The following COL12A1 variants were observed in gnomAD, a reference collection of about 807,000 sequenced individuals.
COL12A1 encodes the protein collagen alpha-1(XII) chain.
COL12A1 carries 114 observed loss-of-function variants against 349.7 expected under a neutral mutation model. The ratio of observed to expected loss-of-function variants is 0.33; its 90% CI spans 0.28 to 0.38. COL12A1 has a LOEUF of 0.38. Among genes scored for constraint, COL12A1 ranks in the 10% least tolerant of loss-of-function variants. COL12A1 has a pLI of 1.00. For synonymous variants in COL12A1, 1,369 were observed against 1,329.0 expected (o/e 1.03, Z -0.66); for missense variants, 3,284 against 3,756.9 (o/e 0.87, Z 3.29).
In COL12A1 at chr6:75,177,032, T is replaced by C. The variant is rs549131593; in HGVS notation, c.2437+631A>G. Among the ~76,000 whole-genome samples, 5 of 152,368 alleles carry C rather than the reference T, an allele frequency of 3.3e-5. No homozygotes were observed. The South Asian group carries it at 1.0e-3, about 32-fold the overall frequency. ...AGAAGTAAAATACAATTTATTTCAA[T>C]GGTGCATAGCAGTTTGATTTTTAAT... On this transcript the variant is annotated intron_variant, in intron 12 of 65. Coordinates refer to ENST00000322507, the MANE Select transcript of COL12A1 (RefSeq NM_004370.6).
intron 8 of COL12A1, among the ~76,000 whole-genome samples, chr6:75,184,737 T>G (rs1769520554): frequency 6.6e-6 from 1 of 152,200 alleles, no homozygotes; most frequent in African/African-American, 2.4e-5. Context: ...AACAATGGCT[T>G]ATAACATGCA....
chr6:75,123,495 T>C (rs1765850848), intron 42 of COL12A1, 91 bp from the exon 43 acceptor site: 3 of 1,030,674 alleles, frequency 2.9e-6, no homozygotes, highest in Non-Finnish European at 4.3e-6. Flanking sequence ...AAATCCTGGA[T>C]ACCAAATCAA....
intron 13 of COL12A1, among the ~76,000 whole-genome samples, chr6:75,166,892 C>T (rs1386142621): frequency 6.6e-6 from 1 of 151,940 alleles, no homozygotes; most frequent in South Asian, 2.1e-4. Context: ...CATATATGGT[C>T]GATTTAGAGG....
rs913616331 is a variant in COL12A1, at chr6:75,203,190, G to A, written c.-35-363C>T. 5.3e-5 allele frequency among the ~76,000 whole-genome samples: 3 copies of A among 56,708 alleles called. No individual in the cohort carries two copies. In the East Asian group the frequency reaches 2.0e-3, roughly 38 times the overall value. 37.2% of individuals were successfully genotyped at this position (56,708 alleles called of 152,430 possible). A position where few individuals can be genotyped will look rare whatever the true frequency, so the allele number is the denominator to read the frequency against. On this transcript the variant is annotated intron_variant, in intron 1 of 65. Coordinates refer to ENST00000322507, the MANE Select transcript of COL12A1 (RefSeq NM_004370.6). The stretch of plus-strand genomic sequence containing the variant: ...TCAACTAAATATCTCTTCCAGCTGG[G>A]GATTTTATTTGACTGCTTTTTTCCT...
At position 75,086,154 on chromosome 6, in the gene COL12A1, T is replaced by C. The variant is rs564273388; in HGVS notation, c.*393A>G. 1.3e-5 allele frequency: 2 copies of C among 153,648 alleles called. No individual in the cohort carries two copies. Among genetic ancestry groups the C allele is most frequent in the African/African-American group, 4.8e-5 (2 of 41,594 alleles). The allele number at this position is 153,648 out of a possible 1,614,324, so 9.5% of individuals were successfully genotyped here. ...ATACAAATCATTTACAAGCCACAATTAGTTTATTATTTACATAAGACATTT... is the reference window on the plus strand; with the variant it reads ...ATACAAATCATTTACAAGCCACAATCAGTTTATTATTTACATAAGACATTT... On this transcript the variant is annotated 3_prime_UTR_variant, in exon 66 of 66. Transcript: ENST00000322507.
At chr6:75,156,232 T>C (rs772250792) in intron 15 of COL12A1, 25 bp downstream of exon 15, 28 of 1,610,576 alleles carry the variant, frequency 1.7e-5, no homozygotes, top group Non-Finnish European at 2.4e-5. Flanking sequence ...TCTCTCCCCC[T>C]CAAAATATAA....
intron 27 of COL12A1, among the ~76,000 whole-genome samples, chr6:75,140,679 G>C (rs1035668075): frequency 1.6e-5 from 2 of 123,502 alleles, no homozygotes; most frequent in African/African-American, 7.7e-5. Context: ...AAAAAAAAAA[G>C]CAGGTTATAA....
Position 75,105,234 on chromosome 6 carries a change from A to T in COL12A1, c.8237T>A (p.Val2746Asp), listed in dbSNP as rs34369939. ...AGGGCCTGGAGGTCCTGGAGGTCCA[A>T]CGCTGTCCTGTGTACATGTGCAAGA... Reference protein sequence around the residue: ...PNSCTCTQDSVGPPGPPGPAG... With the variant: ...PNSCTCTQDSDGPPGPPGPAG... Residue 2746 changes from valine (V) to aspartate (D), a missense_variant, in exon 54 of 66, where the codon GTT becomes GAT. By Grantham distance (152) the Val-to-Asp change is radical. Around this residue, in one of 2 missense-constraint regions of COL12A1, gnomAD observed 683 missense variants for 932.1 expected, o/e 0.73. Transcript: ENST00000322507. The T allele has an allele frequency of 2.5e-6, 4 of 1,613,714 alleles. No homozygotes were observed. Among genetic ancestry groups the T allele is most frequent in the Non-Finnish European group, 2.5e-6 (3 of 1,179,884 alleles).
chr6:75,165,610 C>A lies in COL12A1; in HGVS notation c.2880G>T (p.Thr960=). 6.2e-7 allele frequency: 1 copy of A among 1,613,950 alleles called. No homozygotes were observed. The highest frequency in any genetic ancestry group is 8.5e-7 in the Non-Finnish European group (1 of 1,179,910). The change falls in exon 14 of 66, where the codon ACG becomes ACT. Residue 960 remains threonine, a synonymous_variant. Coordinates refer to ENST00000322507, the MANE Select transcript of COL12A1 (RefSeq NM_004370.6). The stretch of plus-strand genomic sequence containing the variant: ...TCTCTGGCTGCAGATTTTCTATCAT[C>A]GTATGAATTGCATCTTCAGGCAGAT... ...EKNLPEDAIH[T]MIENLQPETK...
chr6:75,179,069 G>C (rs1275690033), intron 11 of COL12A1, among the ~76,000 whole-genome samples: 2 of 152,090 alleles, frequency 1.3e-5, no homozygotes. Flanking sequence ...TTATTTAAGT[G>C]GTTAAATGAG....
chr6:75,095,344 G>A (rs933734563), intron 59 of COL12A1, among the ~76,000 whole-genome samples, 165 bp from the exon 60 acceptor site: 4 of 152,174 alleles, frequency 2.6e-5, no homozygotes, highest in African/African-American at 9.7e-5. Context: ...AGGGCCGGGC[G>A]CGGTGGCTCA....
chr6:75,143,119 C>CA, intron 26 of COL12A1, 133 bp downstream of exon 26: 1 of 1,004,420 alleles, frequency 1.0e-6, no homozygotes, highest in Non-Finnish European at 1.5e-6. Context: ...TTATTAATAT[C>CA]ACAAGTTTTC....
rs776854865 is a variant in COL12A1 at position 75,145,406 on chromosome 6, G to A, written c.4610C>T (p.Pro1537Leu). ...VNDMQLTDLV[P>L]NTEYAVTVQA... ...GACTGTGACTGCATACTCCGTGTTG[G>A]GAACAAGGTCAGTCAGCTGCATGTC... Residue 1537 changes from proline to leucine, a missense_variant, in exon 25 of 66, where the codon CCC (proline) becomes CTC (leucine). Pro to Leu is a moderately conservative substitution (Grantham distance 98). Transcript: ENST00000322507. The A allele has an allele frequency of 1.2e-6, 2 of 1,613,848 alleles. No homozygotes were observed. The highest frequency in any genetic ancestry group is 1.7e-5 in the Admixed American group (1 of 59,982).
At chr6:75,174,647 C>G (rs1475075390) in intron 13 of COL12A1, among the ~76,000 whole-genome samples, 3 of 152,218 alleles carry the variant, frequency 2.0e-5, no homozygotes, top group Admixed American at 2.0e-4. Flanking sequence ...GAAAATGGCT[C>G]TTATCTGGAT....
chr6:75,121,258 G>A (rs499018), intron 44 of COL12A1, 44 bp downstream of exon 44: 7 of 1,475,088 alleles, frequency 4.7e-6, no homozygotes, highest in Admixed American at 3.9e-5. Context: ...CAAAGGAAAG[G>A]CAAGACATCA....
chr6:75,172,912 A>G (rs1340444812), intron 13 of COL12A1, among the ~76,000 whole-genome samples: 1 of 152,174 alleles, frequency 6.6e-6, no homozygotes, highest in African/African-American at 2.4e-5. Flanking sequence ...TCACATATAC[A>G]GGTTCCCTAG....
intron 10 of COL12A1, among the ~76,000 whole-genome samples, chr6:75,181,757 A>G (rs1019455514): frequency 2.6e-5 from 4 of 152,128 alleles, no homozygotes; most frequent in South Asian, 4.1e-4. Flanking sequence ...ACACAGTCAA[A>G]ATAGAGAAAC....
chr6:75,155,777 C>T lies in COL12A1; in HGVS notation c.3328G>A (p.Ala1110Thr), dbSNP rs770324969. The stretch of plus-strand genomic sequence containing the variant: ...TTATAACCCTTCACTTCCCCAGGGG[C>T]AGGCTCCCAAGTCACTCGGAAGCTT... ...MSSFRVTWEP[A>T]PGEVKGYKVT... The change falls in exon 16 of 66, where the codon GCC (alanine) becomes ACC (threonine). Residue 1110 changes from alanine to threonine, a missense_variant. Physicochemically the swap from Ala to Thr is moderately conservative, Grantham distance 58. This residue lies in a region of COL12A1 where 2,601 missense variants were observed against 2,824.8 expected (regional missense o/e 0.92). Transcript: ENST00000322507. 1 of 1,613,612 alleles carries T rather than the reference C, an allele frequency of 6.2e-7. No homozygotes were observed. Among genetic ancestry groups the T allele is most frequent in the Non-Finnish European group, 8.5e-7 (1 of 1,179,690 alleles).
intron 43 of COL12A1, among the ~76,000 whole-genome samples, chr6:75,122,800 C>T (rs1329174326): frequency 1.3e-5 from 2 of 152,150 alleles, no homozygotes; most frequent in East Asian, 1.9e-4. Flanking sequence ...TAGAGAATTG[C>T]CCTCAAATGC....
Sources: gnomAD v4.1 joint callset for allele counts (sites outside exome capture counted in the v4.1 genomes callset) on GRCh38, gnomAD v4.1.1 for gene constraint, gnomAD v4.1.1 regional missense constraint, MANE v1.5 for transcripts, NCBI Gene and HGNC (gene_info 2026-07-23, HGNC 2026-07-21) for gene names.